The following HCRTR2 variants were observed in gnomAD, a reference collection of about 807,000 sequenced individuals.
HCRTR2 encodes orexin receptor type 2.
Under a neutral mutation model 49.0 loss-of-function variants are expected in HCRTR2, and 22 were observed. The ratio of observed to expected loss-of-function variants is 0.45; its 90% confidence interval spans 0.32 to 0.64. The LOEUF is 0.64. HCRTR2 is among the 30% of genes least tolerant of loss of function. The pLI, the probability that HCRTR2 is intolerant of heterozygous loss-of-function variation, is 0.04. For synonymous variants in HCRTR2, 236 were observed against 205.3 expected, an observed-to-expected ratio of 1.15 and a Z score of -1.28; for missense variants, 491 against 559.4, an observed-to-expected ratio of 0.88 and a Z score of 1.23.
intron 1 of HCRTR2, among the ~76,000 whole-genome samples, chr6:55,178,553 AT>A (rs1473032456): frequency 9.2e-5 from 14 of 152,198 alleles, no homozygotes; most frequent in African/African-American, 3.4e-4. Context: ...ATTAATGTCA[AT>A]TTTTATCCCT....
chr6:55,239,769 TA>T (rs747498872), intron 1 of HCRTR2, among the ~76,000 whole-genome samples: 100 of 148,802 alleles, frequency 6.7e-4, no homozygotes, highest in Non-Finnish European at 1.1e-3. Context: ...GCATAGGCGG[TA>T]AATTTTTTTT....
chr6:55,261,742 G>A (rs749440959), intron 3 of HCRTR2, among the ~76,000 whole-genome samples: 26 of 152,224 alleles, frequency 1.7e-4, no homozygotes, highest in Non-Finnish European at 3.4e-4. Context: ...ACTAAAAGTA[G>A]ATCTACTATT....
At chr6:55,250,501 A>C (rs547913443) in intron 2 of HCRTR2, among the ~76,000 whole-genome samples, 84 of 152,266 alleles carry the variant, frequency 5.5e-4, no homozygotes, top group African/African-American at 1.6e-3. Flanking sequence ...AGAATCTTCA[A>C]CTGACTGGTA....
chr6:55,230,026 T>C (rs1032173718), intron 1 of HCRTR2, among the ~76,000 whole-genome samples: 6 of 152,086 alleles, frequency 3.9e-5, no homozygotes, highest in Admixed American at 3.3e-4. Flanking sequence ...TAAGGTATGG[T>C]ACAGGGTCAA....
At chr6:55,118,581 A>G (rs1389339390) in intron 1 of HCRTR2, among the ~76,000 whole-genome samples, 1 of 151,750 alleles carries the variant, frequency 6.6e-6, no homozygotes, top group African/African-American at 2.4e-5. Flanking sequence ...TAACTTTTTA[A>G]TAATAGCCAT....
intron 1 of HCRTR2, among the ~76,000 whole-genome samples, chr6:55,134,032 C>T (rs926647839): frequency 1.3e-5 from 2 of 151,908 alleles, no homozygotes; most frequent in East Asian, 1.9e-4. Flanking sequence ...ATCTTAGGAA[C>T]ATATACATTT....
intron 1 of HCRTR2, among the ~76,000 whole-genome samples, chr6:55,106,822 T>C (rs904553839): frequency 1.3e-5 from 2 of 152,300 alleles, no homozygotes; most frequent in South Asian, 4.1e-4. Context: ...TGTTATTTTA[T>C]ACAAATCTTT....
intron 1 of HCRTR2, among the ~76,000 whole-genome samples, chr6:55,153,405 A>G (rs1764688302): frequency 6.6e-6 from 1 of 152,058 alleles, no homozygotes; most frequent in African/African-American, 2.4e-5. Context: ...ATATTACTGG[A>G]TACTGAATAT....
Position 55,255,150 on chromosome 6 carries a change from T to G in HCRTR2, c.417T>G (p.Ser139=), listed in dbSNP as rs1468013991. The change falls in exon 3 of 7, where the codon TCT becomes TCG. Residue 139 remains serine, a synonymous_variant. Transcript: ENST00000370862. ...CTTTTCTCTAGACCGTGTCGGTGTC[T>G]GTGTCTGTCCTCACACTGAGCTGTA... ...VIPYLQTVSV[S]VSVLTLSCIA... The G allele has an allele frequency of 6.2e-7, 1 of 1,613,950 alleles. No individual in the cohort carries two copies. The highest frequency in any genetic ancestry group is 8.5e-7 in the Non-Finnish European group (1 of 1,179,894).
chr6:55,120,449 T>G (rs1764181032), intron 1 of HCRTR2, among the ~76,000 whole-genome samples: 1 of 152,092 alleles, frequency 6.6e-6, no homozygotes, highest in Non-Finnish European at 1.5e-5. Flanking sequence ...TGGTTTGCAG[T>G]TCTCGTTGAA....
chr6:55,162,480 C>T (rs1043303304), intron 1 of HCRTR2, among the ~76,000 whole-genome samples: 1 of 152,144 alleles, frequency 6.6e-6, no homozygotes, highest in Non-Finnish European at 1.5e-5. Flanking sequence ...GTTGGAAGTT[C>T]TGGCCAGGGC....
At chr6:55,124,652 T>A (rs1189507974) in intron 1 of HCRTR2, among the ~76,000 whole-genome samples, 1 of 152,160 alleles carries the variant, frequency 6.6e-6, no homozygotes, top group Non-Finnish European at 1.5e-5. Flanking sequence ...TGAGTTCAAG[T>A]CCTGAATATC....
At chr6:55,179,155 G>T (rs758307728) in intron 1 of HCRTR2, among the ~76,000 whole-genome samples, 22 of 152,108 alleles carry the variant, frequency 1.4e-4, no homozygotes, top group South Asian at 4.1e-4. Context: ...GCAAGTTCAT[G>T]TTACTCCTAA....
rs777505736 is a variant in HCRTR2, at chr6:55,132,667, G to A, written c.-378+26122G>A. 2.0e-5 allele frequency among the ~76,000 whole-genome samples: 3 copies of A among 151,216 alleles called. No homozygotes were observed. In the South Asian group the frequency reaches 6.2e-4, roughly 31 times the overall value. ...GGTCAGCTCTTAAGCTTAAGGGAAAGAAGACATGGTTAGGGAGCAAAGGAA... is the reference window on the plus strand; with the variant it reads ...GGTCAGCTCTTAAGCTTAAGGGAAAAAAGACATGGTTAGGGAGCAAAGGAA... On this transcript the variant is annotated intron_variant, in intron 1 of 7. Coordinates refer to the HCRTR2 transcript ENST00000615358.
intron 3 of HCRTR2, among the ~76,000 whole-genome samples, chr6:55,259,502 C>T (rs1462099802): frequency 1.3e-5 from 2 of 151,904 alleles, no homozygotes; most frequent in African/African-American, 4.8e-5. Context: ...AGGAATGTTT[C>T]TAGTTTCTAG....
chr6:55,258,380 A>G (rs1055581459), intron 3 of HCRTR2, among the ~76,000 whole-genome samples: 3 of 152,164 alleles, frequency 2.0e-5, no homozygotes, highest in Non-Finnish European at 2.9e-5. Context: ...ATATCTATCA[A>G]ATAACTTTTG....
downstream of HCRTR2, among the ~76,000 whole-genome samples, chr6:55,283,114 A>G (rs1186609273): frequency 6.6e-6 from 1 of 152,232 alleles, no homozygotes; most frequent in Non-Finnish European, 1.5e-5. Flanking sequence ...TTTTAACGTA[A>G]TTTCCATCTC....
At chr6:55,264,958 T>C (rs1044042672) in intron 4 of HCRTR2, among the ~76,000 whole-genome samples, 2 of 152,078 alleles carry the variant, frequency 1.3e-5, no homozygotes, top group African/African-American at 4.8e-5. Context: ...TCAACACTTG[T>C]TATTCAAAGC....
At chr6:55,275,175 A>G (rs1581872590) in intron 4 of HCRTR2, among the ~76,000 whole-genome samples, 1 of 152,206 alleles carries the variant, frequency 6.6e-6, no homozygotes, top group African/African-American at 2.4e-5. Context: ...CATCATGTAC[A>G]TGCTATTTCC....
Sources: gnomAD v4.1 joint callset for allele counts (sites outside exome capture counted in the v4.1 genomes callset) on GRCh38, gnomAD v4.1.1 for gene constraint, MANE v1.5 for transcripts, NCBI Gene and HGNC (gene_info 2026-07-23, HGNC 2026-07-21) for gene names.